The following ADGRL2 variants were observed in gnomAD, a reference collection of about 807,000 sequenced individuals.
ADGRL2 encodes calcium-independent alpha-latrotoxin receptor 2.
ADGRL2 carries 44 observed loss-of-function variants against 157.4 expected under a neutral mutation model. The observed-to-expected ratio is 0.28, with a 90% CI of 0.22 to 0.36. ADGRL2 has a LOEUF of 0.36. Among genes scored for constraint, ADGRL2 ranks in the 10% least tolerant of loss-of-function variants. The pLI, the probability that ADGRL2 is intolerant of heterozygous loss-of-function variation, is 1.00. For missense variants in ADGRL2, 1,510 were observed against 1,768.9 expected (o/e 0.85, Z 2.63); for synonymous variants, 585 against 624.7 (o/e 0.94, Z 0.95).
chr1:81,791,534 T>C (rs1055183563), intron 2 of ADGRL2, among the ~76,000 whole-genome samples: 1 of 151,744 alleles, frequency 6.6e-6, no homozygotes, highest in South Asian at 2.1e-4. Context: ...GGTAACAAAA[T>C]TGAAATAAAA....
At chr1:81,380,307 G>A (rs2076322183) in intron 1 of ADGRL2, among the ~76,000 whole-genome samples, 2 of 152,092 alleles carry the variant, frequency 1.3e-5, no homozygotes, top group East Asian at 1.9e-4. Flanking sequence ...TTAAAATCAC[G>A]GAGTTCTTAA....
chr1:81,474,066 T>A (rs2078225400), intron 2 of ADGRL2, among the ~76,000 whole-genome samples: 1 of 152,102 alleles, frequency 6.6e-6, no homozygotes, highest in South Asian at 2.1e-4. Flanking sequence ...TCTTTCCCTC[T>A]CCCTATCACA....
chr1:81,337,112 T>A (rs560949690), intron 1 of ADGRL2, among the ~76,000 whole-genome samples: 26 of 152,288 alleles, frequency 1.7e-4, no homozygotes, highest in African/African-American at 3.9e-4. Flanking sequence ...AGCTTCCCAC[T>A]CCATCCCCTT....
upstream of ADGRL2, among the ~76,000 whole-genome samples, chr1:81,697,696 C>T (rs2083473917): frequency 6.6e-6 from 1 of 152,092 alleles, no homozygotes; most frequent in African/African-American, 2.4e-5. Flanking sequence ...GAGCCAGTAC[C>T]AGAGATAAGC....
intron 2 of ADGRL2, among the ~76,000 whole-genome samples, chr1:81,496,865 T>G (rs1399817521): frequency 6.6e-6 from 1 of 152,172 alleles, no homozygotes; most frequent in Non-Finnish European, 1.5e-5. Context: ...GGGAAACAAC[T>G]GTTTAACACA....
chr1:81,642,947 C>T (rs549487853), intron 3 of ADGRL2, among the ~76,000 whole-genome samples: 68 of 152,062 alleles, frequency 4.5e-4, no homozygotes, highest in African/African-American at 1.5e-3. Context: ...ATGAAAAATA[C>T]GAAAAAGAAA....
chr1:81,491,679 T>C (rs928180274), intron 2 of ADGRL2, among the ~76,000 whole-genome samples: 1 of 152,048 alleles, frequency 6.6e-6, no homozygotes, highest in African/African-American at 2.4e-5. Flanking sequence ...CCACAGGGAA[T>C]AGAAAAGGTG....
intron 1 of ADGRL2, among the ~76,000 whole-genome samples, chr1:81,315,680 G>C (rs750658528): frequency 3.3e-5 from 5 of 151,948 alleles, no homozygotes; most frequent in African/African-American, 4.8e-5. Context: ...CAGACACTAA[G>C]AGCCCATGCA....
intron 3 of ADGRL2, among the ~76,000 whole-genome samples, chr1:81,673,465 A>G (rs2082914970): frequency 6.7e-6 from 1 of 149,766 alleles, no homozygotes; most frequent in African/African-American, 2.5e-5. Context: ...TATCCTATAT[A>G]TGCTACTAGA....
intron 4 of ADGRL2, among the ~76,000 whole-genome samples, chr1:81,941,268 C>A (rs1473448110): frequency 6.6e-6 from 1 of 150,976 alleles, no homozygotes; most frequent in African/African-American, 2.4e-5. Flanking sequence ...ATATGTAAAC[C>A]TAACTAAGTA....
intron 2 of ADGRL2, among the ~76,000 whole-genome samples, chr1:81,483,281 A>G (rs1269504356): frequency 6.6e-6 from 1 of 152,220 alleles, no homozygotes; most frequent in Non-Finnish European, 1.5e-5. Context: ...GCCATTTAAA[A>G]CAAAAACCAC....
At chr1:81,554,970 G>C (rs1276504602) in intron 2 of ADGRL2, among the ~76,000 whole-genome samples, 1 of 152,048 alleles carries the variant, frequency 6.6e-6, no homozygotes. Flanking sequence ...AACCAAGCAA[G>C]GGCAGTAGAA....
intron 1 of ADGRL2, among the ~76,000 whole-genome samples, chr1:81,413,827 C>G (rs2076990055): frequency 6.6e-6 from 1 of 152,142 alleles, no homozygotes; most frequent in Non-Finnish European, 1.5e-5. Context: ...TACACACATA[C>G]ACATACACAT....
intron 2 of ADGRL2, among the ~76,000 whole-genome samples, chr1:81,765,506 A>C: frequency 6.6e-6 from 1 of 152,198 alleles, no homozygotes; most frequent in Non-Finnish European, 1.5e-5. Context: ...ATTGAAATGC[A>C]AATATATATT....
At chr1:81,822,957 A>G (rs188575661) in intron 1 of ADGRL2, among the ~76,000 whole-genome samples, 2 of 152,030 alleles carry the variant, frequency 1.3e-5, no homozygotes, top group East Asian at 3.9e-4. Flanking sequence ...ATGATAAGGT[A>G]TTGTATGTCA....
Position 81,471,127 on chromosome 1 carries a change from G to A in ADGRL2, c.-248+26038G>A, listed in dbSNP as rs1226001464. ...AGCACATTGCAGGATTGGGAGGTAG[G>A]TAGAACTCTGTAAATGGTGGTTGAC... On this transcript the variant is annotated intron_variant, in intron 2 of 24. Transcript: ENST00000370721. Among the ~76,000 whole-genome samples, 3 of 152,132 alleles carry A rather than the reference G, an allele frequency of 2.0e-5. No homozygotes were observed. The South Asian group carries it at 6.2e-4, about 32-fold the overall frequency.
intron 1 of ADGRL2, among the ~76,000 whole-genome samples, chr1:81,730,880 C>T (rs1405386864): frequency 6.6e-6 from 1 of 152,098 alleles, no homozygotes; most frequent in East Asian, 1.9e-4. Context: ...TATTGATCAA[C>T]CTGATTATCT....
intron 1 of ADGRL2, among the ~76,000 whole-genome samples, chr1:81,815,550 A>G (rs1413595227): frequency 1.3e-5 from 2 of 151,814 alleles, no homozygotes; most frequent in African/African-American, 2.4e-5. Context: ...CTATCATTGT[A>G]TTCTCTGTAA....
chr1:81,758,293 A>G (rs952579000), intron 1 of ADGRL2, among the ~76,000 whole-genome samples: 1 of 152,144 alleles, frequency 6.6e-6, no homozygotes, highest in Non-Finnish European at 1.5e-5. Context: ...AAGCAGCAGC[A>G]TAAGTGTTGT....
Sources: gnomAD v4.1 joint callset for allele counts (sites outside exome capture counted in the v4.1 genomes callset) on GRCh38, gnomAD v4.1.1 for gene constraint, MANE v1.5 for transcripts, NCBI Gene and HGNC (gene_info 2026-07-23, HGNC 2026-07-21) for gene names.